Variants in SLC24A2 observed in about 807,000 individuals in gnomAD.
SLC24A2 encodes the protein solute carrier family 24 member 2.
Under a neutral mutation model 62.0 loss-of-function variants are expected in SLC24A2, and 36 were observed. That is an observed-to-expected ratio of 0.58 (90% CI 0.44 to 0.77). SLC24A2 has a LOEUF of 0.77. SLC24A2 is among the 30% of genes least tolerant of loss of function. The pLI is 0.00. For synonymous variants in SLC24A2, 358 were observed against 294.0 expected, an observed-to-expected ratio of 1.22 and a Z score of -2.23; for missense variants, 846 against 817.9, an observed-to-expected ratio of 1.03 and a Z score of -0.42.
rs541320682 is a variant in SLC24A2, at chr9:19,508,353, C to G, written c.*7800G>C. ...CTGGCCCTTGGTTCAGATACCCTTTCTTTAGGGCAATTTGGCCACTTAAGC... is the reference window on the plus strand; with the variant it reads ...CTGGCCCTTGGTTCAGATACCCTTTGTTTAGGGCAATTTGGCCACTTAAGC... On this transcript the variant is annotated 3_prime_UTR_variant, in exon 11 of 11. Transcript: ENST00000341998. 6.6e-6 allele frequency: 1 copy of G among 152,118 alleles called. No individual in the cohort carries two copies. Among genetic ancestry groups the G allele is most frequent in the South Asian group, 2.1e-4 (1 of 4,822 alleles). 9.4% of individuals were successfully genotyped at this position (152,118 alleles called of 1,614,324 possible). A position where few individuals can be genotyped will look rare whatever the true frequency, so the allele number is the denominator to read the frequency against.
At chr9:20,202,002 T>G in the SLC24A2 span, among the ~76,000 whole-genome samples, 1 of 152,068 alleles carries the variant, frequency 6.6e-6, no homozygotes, top group Admixed American at 6.6e-5. Context: ...GCCTGTAATC[T>G]TTGGGAAGTC....
the SLC24A2 span, among the ~76,000 whole-genome samples, chr9:20,076,887 CAT>C: frequency 0.38 from 54,414 of 141,714 alleles, 10,325 homozygotes; most frequent in Middle Eastern, 0.5. Flanking sequence ...ATATACATAT[CAT>C]ATGTGTATAT....
At chr9:19,791,413 A>G (rs1219800837), upstream of SLC24A2, among the ~76,000 whole-genome samples, 2 of 152,242 alleles carry the variant, frequency 1.3e-5, no homozygotes, top group Non-Finnish European at 2.9e-5. Flanking sequence ...AACTGAGCAC[A>G]TAGTCATCTT....
At chr9:19,655,601 A>G (rs189077312) in intron 2 of SLC24A2, among the ~76,000 whole-genome samples, 3 of 152,328 alleles carry the variant, frequency 2.0e-5, no homozygotes, top group African/African-American at 7.2e-5. Context: ...TATAATTCTT[A>G]TTCTGTGATG....
the SLC24A2 span, among the ~76,000 whole-genome samples, chr9:19,861,808 CAG>C: frequency 6.6e-6 from 1 of 152,034 alleles, no homozygotes; most frequent in South Asian, 2.1e-4. Context: ...AAGAATGCAT[CAG>C]AGTCTTTTAA....
the SLC24A2 span, among the ~76,000 whole-genome samples, chr9:20,081,635 T>C: frequency 1.3e-5 from 2 of 151,888 alleles, no homozygotes; most frequent in Non-Finnish European, 2.9e-5. Context: ...ATAATAATAA[T>C]AATAATAAAA....
At chr9:19,773,403 T>C (rs1208656136) in intron 2 of SLC24A2, among the ~76,000 whole-genome samples, 1 of 152,208 alleles carries the variant, frequency 6.6e-6, no homozygotes, top group Non-Finnish European at 1.5e-5. Flanking sequence ...GGGCCACAGC[T>C]GGAATAAACT....
chr9:20,208,004 C>A, the SLC24A2 span, among the ~76,000 whole-genome samples: 1 of 152,168 alleles, frequency 6.6e-6, no homozygotes, highest in African/African-American at 2.4e-5. Flanking sequence ...AGAACCTCTG[C>A]CTTCAATGGA....
chr9:20,299,384 G>A, the SLC24A2 span, among the ~76,000 whole-genome samples: 1 of 152,226 alleles, frequency 6.6e-6, no homozygotes, highest in Non-Finnish European at 1.5e-5. Flanking sequence ...AAGAAGGGCT[G>A]TTCATGCCAA....
the SLC24A2 span, among the ~76,000 whole-genome samples, chr9:19,947,756 A>C: frequency 6.9e-6 from 1 of 144,438 alleles, no homozygotes; most frequent in South Asian, 2.2e-4. Flanking sequence ...ATGCCACTGC[A>C]CTCCAGCTTG....
chr9:20,269,555 C>T, the SLC24A2 span, among the ~76,000 whole-genome samples: 176 of 152,168 alleles, frequency 1.2e-3, no homozygotes, highest in African/African-American at 4.1e-3. Context: ...TTCCCAGCAG[C>T]TCCGTTTCAT....
At chr9:19,667,451 T>C (rs1258083147) in intron 2 of SLC24A2, among the ~76,000 whole-genome samples, 1 of 152,204 alleles carries the variant, frequency 6.6e-6, no homozygotes, top group African/African-American at 2.4e-5. Context: ...TGCATCCTGG[T>C]AGTTCTACCT....
At chr9:20,225,949 G>C in the SLC24A2 span, among the ~76,000 whole-genome samples, 1 of 151,946 alleles carries the variant, frequency 6.6e-6, no homozygotes, top group Admixed American at 6.6e-5. Flanking sequence ...GGGAGGAAGA[G>C]AGAGAGGGAA....
the SLC24A2 span, among the ~76,000 whole-genome samples, chr9:20,257,211 G>C: frequency 6.6e-6 from 1 of 152,184 alleles, no homozygotes; most frequent in Non-Finnish European, 1.5e-5. Context: ...CAGCCAGACT[G>C]GTTTGATCCC....
At chr9:19,766,775 GACCCA>G (rs1822528932) in intron 2 of SLC24A2, among the ~76,000 whole-genome samples, 3 of 152,340 alleles carry the variant, frequency 2.0e-5, no homozygotes, top group South Asian at 4.1e-4. Flanking sequence ...GAGGGTCAGC[GACCCA>G]CTTGAGGAGG....
the SLC24A2 span, among the ~76,000 whole-genome samples, chr9:20,084,390 G>C: frequency 6.6e-6 from 1 of 152,094 alleles, no homozygotes; most frequent in Non-Finnish European, 1.5e-5. Flanking sequence ...GCTGAAATTG[G>C]CCATAACAAT....
chr9:19,780,601 A>C (rs898928414), intron 2 of SLC24A2, among the ~76,000 whole-genome samples: 4 of 151,748 alleles, frequency 2.6e-5, no homozygotes, highest in African/African-American at 4.8e-5. Flanking sequence ...GCATCAAGAT[A>C]ATAGAAATAG....
the SLC24A2 span, among the ~76,000 whole-genome samples, chr9:20,130,028 G>A: frequency 4.0e-5 from 6 of 151,360 alleles, no homozygotes; most frequent in South Asian, 1.3e-3. Context: ...ATCTGAAGCT[G>A]CTATTTAGAG....
the SLC24A2 span, among the ~76,000 whole-genome samples, chr9:19,950,820 C>T: frequency 0.28 from 41,851 of 151,928 alleles, 5,956 homozygotes; most frequent in South Asian, 0.39. Flanking sequence ...AAAATGTAAA[C>T]ATCATAACAA....
Sources: allele counts gnomAD v4.1 joint callset (sites outside exome capture counted in the v4.1 genomes callset), GRCh38; gene constraint gnomAD v4.1.1; transcripts MANE v1.5; gene names NCBI Gene and HGNC (gene_info 2026-07-23, HGNC 2026-07-21).